The following SLC48A1 variants were observed in gnomAD, a reference collection of about 807,000 sequenced individuals.
SLC48A1 encodes heme transporter HRG1.
In SLC48A1, 6 loss-of-function variants were observed where a neutral mutation model predicts 14.8. That is an observed-to-expected ratio of 0.41 (90% CI 0.22 to 0.80). The LOEUF is 0.80. SLC48A1 is among the 30% of genes least tolerant of loss of function. The pLI, the probability that SLC48A1 is intolerant of heterozygous loss-of-function variation, is 0.34. For missense variants in SLC48A1, 165 were observed against 204.8 expected, an observed-to-expected ratio of 0.81 and a Z score of 1.19; for synonymous variants, 89 against 90.0, an observed-to-expected ratio of 0.99 and a Z score of 0.06.
chr12:47,776,071 G>C (rs1470794887), intron 1 of SLC48A1, among the ~76,000 whole-genome samples: 1 of 152,196 alleles, frequency 6.6e-6, no homozygotes, highest in African/African-American at 2.4e-5. Context: ...AAGAGCCCTG[G>C]GGCTCCAGGA....
intron 2 of SLC48A1, among the ~76,000 whole-genome samples, chr12:47,763,527 C>T (rs1249937345): frequency 1.3e-5 from 2 of 152,156 alleles, no homozygotes; most frequent in Non-Finnish European, 2.9e-5. Context: ...GTATCCTCCT[C>T]TGGACTCTAC....
intron 2 of SLC48A1, among the ~76,000 whole-genome samples, chr12:47,764,147 CAT>C (rs925610591): frequency 2.6e-5 from 4 of 151,924 alleles, no homozygotes; most frequent in South Asian, 2.1e-4. Flanking sequence ...AGAGAGAGAG[CAT>C]GTGTGTGTAT....
At chr12:47,765,358 G>A (rs1405192683) in intron 2 of SLC48A1, among the ~76,000 whole-genome samples, 1 of 152,194 alleles carries the variant, frequency 6.6e-6, no homozygotes, top group African/African-American at 2.4e-5. Flanking sequence ...GGGATAGAGA[G>A]GCAGCCCCAC....
At chr12:47,759,827 C>G (rs986516080) in intron 1 of SLC48A1, among the ~76,000 whole-genome samples, 1 of 152,200 alleles carries the variant, frequency 6.6e-6, no homozygotes, top group South Asian at 2.1e-4. Flanking sequence ...GACTTTTTGC[C>G]CCTTCTCTTC....
In SLC48A1 at chr12:47,780,557, C is replaced by CTTTTTTTTTTTTTTTTTTTTTT; in HGVS notation, c.*286_*287insTTTTTTTTTTTTTTTTTTTTTT. 1.8e-6 allele frequency: 1 copy of CTTTTTTTTTTTTTTTTTTTTTT among 560,146 alleles called. No individual in the cohort carries two copies. The highest frequency in any genetic ancestry group is 3.3e-6 in the Non-Finnish European group (1 of 303,084). The allele number at this position is 560,146 out of a possible 1,614,324, so 34.7% of individuals were successfully genotyped here. A position where few individuals can be genotyped will look rare whatever the true frequency, so the allele number is the denominator to read the frequency against. On this transcript the variant is annotated 3_prime_UTR_variant, in exon 3 of 3. Transcript: ENST00000442218. ...CAAATGAATCTGTTTTCTTTTCTTT[C>CTTTTTTTTTTTTTTTTTTTTTT]TTTTTTTTTTCTTTTTTTTTTTTTT...
upstream of SLC48A1, chr12:47,769,395 G>A (rs1309597792): frequency 6.6e-6 from 1 of 152,250 alleles, no homozygotes; most frequent in Non-Finnish European, 1.5e-5. Context: ...ATGAGAAGAT[G>A]TGTATGAGTG....
intron 2 of SLC48A1, among the ~76,000 whole-genome samples, chr12:47,762,754 A>C (rs1199137326): frequency 1.3e-5 from 2 of 152,236 alleles, no homozygotes; most frequent in African/African-American, 4.8e-5. Flanking sequence ...TGCAGAGTCC[A>C]TATTCCTAAA....
At chr12:47,755,053 C>G (rs1256830309), upstream of SLC48A1, among the ~76,000 whole-genome samples, 1 of 152,160 alleles carries the variant, frequency 6.6e-6, no homozygotes, top group Non-Finnish European at 1.5e-5. Flanking sequence ...TGTGGTGGGA[C>G]AGGGGAAGGG....
chr12:47,780,287 GGGGT>G lies in SLC48A1; in HGVS notation c.*8_*11del, dbSNP rs759704166. On this transcript the variant is annotated 3_prime_UTR_variant, in exon 3 of 3. Coordinates refer to ENST00000442218, the MANE Select transcript of SLC48A1 (RefSeq NM_017842.3). ...GCATCCTCAGCGATTTCTGACCCAG[GGGGT>G]GAGGTCTCTGCACCCTGGGGGGGCC... is the stretch of plus-strand genomic sequence containing the variant. 1.8e-5 allele frequency: 29 copies of G among 1,614,080 alleles called. No homozygotes were observed. The highest frequency in any genetic ancestry group is 5.0e-5 in the Admixed American group (3 of 60,008).
At chr12:47,758,117 G>C, upstream of SLC48A1, 1 of 1,535,530 alleles carries the variant, frequency 6.5e-7, no homozygotes, top group Non-Finnish European at 8.8e-7. Flanking sequence ...CATGGGACAC[G>C]ACTGGGGCGG....
At chr12:47,762,895 C>T (rs879258151) in intron 2 of SLC48A1, among the ~76,000 whole-genome samples, 4 of 152,188 alleles carry the variant, frequency 2.6e-5, no homozygotes, top group Admixed American at 6.5e-5. Context: ...CTGTAGGTGC[C>T]GGGGAACTTT....
chr12:47,778,752 TGAGA>T, intron 1 of SLC48A1: 1 of 395,588 alleles, frequency 2.5e-6, no homozygotes, highest in East Asian at 4.0e-5. Context: ...AACATTTTTG[TGAGA>T]GATATTCATG....
In SLC48A1 at chr12:47,760,444, G is replaced by A. The variant is rs576188454; in HGVS notation, c.-187+43G>A. 7.2e-5 allele frequency: 71 copies of A among 981,080 alleles called. No homozygotes were observed. The Middle Eastern group carries it at 2.1e-3, about 29-fold the overall frequency. The allele number at this position is 981,080 out of a possible 1,614,324, so 60.8% of individuals were successfully genotyped here. A position where few individuals can be genotyped will look rare whatever the true frequency, so the allele number is the denominator to read the frequency against. Reference sequence around the variant, plus strand: ...TTAGGGGGATGGAGTCATGAGTTTCGGGTTGCTGGGGCCAGTGCCCTGGCC... The same window carrying A: ...TTAGGGGGATGGAGTCATGAGTTTCAGGTTGCTGGGGCCAGTGCCCTGGCC... On this transcript the variant is annotated intron_variant, in intron 2 of 4. Coordinates refer to the SLC48A1 transcript ENST00000547002.
Position 47,773,272 on chromosome 12 carries a change from G to T in SLC48A1, c.-33G>T. 1 of 1,341,892 alleles carries T rather than the reference G, an allele frequency of 7.5e-7. No homozygotes were observed. Among genetic ancestry groups the T allele is most frequent in the Non-Finnish European group, 9.6e-7 (1 of 1,043,094 alleles). The allele number at this position is 1,341,892 out of a possible 1,614,324, so 83.1% of individuals were successfully genotyped here. The stretch of plus-strand genomic sequence containing the variant: ...CCCTGCACCTGTGACTCTCGGCCGC[G>T]CTCGCCCTCGGCCCGCCCGGCGCCG... On this transcript the variant is annotated 5_prime_UTR_variant, in exon 1 of 3. Transcript: ENST00000442218.
intron 1 of SLC48A1, among the ~76,000 whole-genome samples, chr12:47,774,763 T>C (rs929336838): frequency 2.0e-5 from 3 of 152,098 alleles, no homozygotes; most frequent in Non-Finnish European, 4.4e-5. Flanking sequence ...GGGTGTTCTC[T>C]GCCTGCCCAG....
intron 1 of SLC48A1, among the ~76,000 whole-genome samples, chr12:47,776,409 C>G (rs1200159260): frequency 3.3e-5 from 5 of 152,164 alleles, no homozygotes; most frequent in African/African-American, 4.8e-5. Flanking sequence ...TTCCTAGAGT[C>G]CCCAAGTGTG....
upstream of SLC48A1, chr12:47,769,347 G>C (rs1942580156): frequency 6.6e-6 from 1 of 152,310 alleles, no homozygotes; most frequent in Admixed American, 6.5e-5. Flanking sequence ...GCTGGGTTGG[G>C]AGTGTACTCT....
chr12:47,758,555 A>G (rs1942244821), upstream of SLC48A1: 2 of 1,612,312 alleles, frequency 1.2e-6, no homozygotes, highest in Non-Finnish European at 8.5e-7. Flanking sequence ...ACCCACCTTC[A>G]TGTTTCTTTT....
chr12:47,761,215 CA>C lies in SLC48A1; in HGVS notation c.-187+815del, dbSNP rs1431929092. On this transcript the variant is annotated intron_variant, in intron 2 of 4. Transcript: ENST00000547002. ...CCATCTCAAAAAAAAAAAAAAAAGG[CA>C]GGGGGGAAATCGAATATGTTTGTGT... 4.2e-5 allele frequency among the ~76,000 whole-genome samples: 6 copies of C among 143,394 alleles called. No homozygotes were observed. The South Asian group carries it at 8.9e-4, about 21-fold the overall frequency. 94.1% of individuals were successfully genotyped at this position (143,394 alleles called of 152,430 possible).
Sources: allele counts gnomAD v4.1 joint callset (sites outside exome capture counted in the v4.1 genomes callset), GRCh38; gene constraint gnomAD v4.1.1; transcripts MANE v1.5; gene names NCBI Gene and HGNC (gene_info 2026-07-23, HGNC 2026-07-21).